FRRS1L: variants seen among roughly 807,000 people sequenced by gnomAD.
FRRS1L encodes ferric chelate reductase 1 like.
Under a neutral mutation model 28.6 loss-of-function variants are expected in FRRS1L, and 22 were observed. The ratio of observed to expected loss-of-function variants is 0.77; its 90% CI spans 0.55 to 1.10. The LOEUF is 1.10. Ranked by LOEUF, FRRS1L falls within the 50% of genes least tolerant of loss-of-function variation. FRRS1L has a pLI of 0.00. For missense variants in FRRS1L, 380 were observed against 386.9 expected, an observed-to-expected ratio of 0.98 and a Z score of 0.15; for synonymous variants, 158 against 151.4, an observed-to-expected ratio of 1.04 and a Z score of -0.32.
chr9:109,162,224 G>A (rs1831488522), intron 1 of FRRS1L, among the ~76,000 whole-genome samples: 1 of 152,242 alleles, frequency 6.6e-6, no homozygotes, highest in Non-Finnish European at 1.5e-5. Flanking sequence ...GCTGAGGCAT[G>A]AGCATCATTT....
In FRRS1L at chr9:109,135,678, T is replaced by A. The variant is rs925292758; in HGVS notation, c.*1777A>T. 1.3e-5 allele frequency: 2 copies of A among 151,830 alleles called. No homozygotes were observed. The highest frequency in any genetic ancestry group is 2.9e-5 in the Non-Finnish European group (2 of 68,010). The allele number at this position is 151,830 out of a possible 1,614,324, so 9.4% of individuals were successfully genotyped here. A position where few individuals can be genotyped will look rare whatever the true frequency, so the allele number is the denominator to read the frequency against. ...GTTGGCCAGACTGGTCTCGAACTCC[T>A]GACCTCAGGTGATCCGCCTGCCTTG... On this transcript the variant is annotated 3_prime_UTR_variant, in exon 5 of 5. Coordinates refer to ENST00000561981, the MANE Select transcript of FRRS1L (RefSeq NM_014334.4).
chr9:109,141,095 C>T (rs1588096864), intron 4 of FRRS1L: 2 of 550,962 alleles, frequency 3.6e-6, no homozygotes, highest in Admixed American at 3.1e-5. Flanking sequence ...AAGCACATCA[C>T]TCATGACATA....
chr9:109,155,365 T>C (rs958049882), intron 1 of FRRS1L, among the ~76,000 whole-genome samples: 1 of 152,222 alleles, frequency 6.6e-6, no homozygotes, highest in Non-Finnish European at 1.5e-5. Flanking sequence ...AATGAAGTAC[T>C]GATACATGTT....
At chr9:109,139,775 T>C (rs910790805) in intron 4 of FRRS1L, 16 of 152,246 alleles carry the variant, frequency 1.1e-4, no homozygotes, top group African/African-American at 3.6e-4. Context: ...GACAGTCAAG[T>C]GTCTTCCCAA....
At chr9:109,159,584 G>A (rs1258852101) in intron 1 of FRRS1L, among the ~76,000 whole-genome samples, 3 of 152,222 alleles carry the variant, frequency 2.0e-5, no homozygotes, top group Non-Finnish European at 2.9e-5. Context: ...AGAATCGCTT[G>A]AACCTGGGAA....
chr9:109,161,951 T>C (rs1042277011), intron 1 of FRRS1L, among the ~76,000 whole-genome samples: 2 of 152,178 alleles, frequency 1.3e-5, no homozygotes, highest in South Asian at 4.1e-4. Context: ...CTCCACTGCT[T>C]AGGAAACTGT....
At chr9:109,158,630 A>G (rs954222640) in intron 1 of FRRS1L, among the ~76,000 whole-genome samples, 1 of 152,094 alleles carries the variant, frequency 6.6e-6, no homozygotes, top group Non-Finnish European at 1.5e-5. Flanking sequence ...TTAGCATAAT[A>G]TTTTCAAGGT....
chr9:109,156,262 A>C (rs1399548185), intron 1 of FRRS1L, among the ~76,000 whole-genome samples: 1 of 152,178 alleles, frequency 6.6e-6, no homozygotes, highest in Non-Finnish European at 1.5e-5. Context: ...ATCTTATGAG[A>C]GTTTTCAAAA....
intron 3 of FRRS1L, among the ~76,000 whole-genome samples, chr9:109,144,168 G>A (rs1831223927): frequency 6.6e-6 from 1 of 152,074 alleles, no homozygotes; most frequent in Admixed American, 6.5e-5. Context: ...GAGATAAGTA[G>A]ACTAATATCT....
rs898874445 is a variant in FRRS1L at position 109,131,614 on chromosome 9, A to C, written c.*5841T>G. 2 of 152,272 alleles carry C rather than the reference A, an allele frequency of 1.3e-5. No individual in the cohort carries two copies. The highest frequency in any genetic ancestry group is 4.8e-5 in the African/African-American group (2 of 41,482). 9.4% of individuals were successfully genotyped at this position (152,272 alleles called of 1,614,324 possible). A position where few individuals can be genotyped will look rare whatever the true frequency, so the allele number is the denominator to read the frequency against. On this transcript the variant is annotated 3_prime_UTR_variant, in exon 5 of 5. Transcript: ENST00000561981. ...TGTAAGTTGAAAATATCATAAGTCA[A>C]AACAATTATGGGACATAACCCCATT...
In FRRS1L at chr9:109,132,558, T is replaced by TA. The variant is rs1831069899; in HGVS notation, c.*4896dup. The TA allele has an allele frequency of 6.6e-6, 1 of 152,208 alleles. No individual in the cohort carries two copies. The highest frequency in any genetic ancestry group is 1.5e-5 in the Non-Finnish European group (1 of 68,040). The allele number at this position is 152,208 out of a possible 1,614,324, so 9.4% of individuals were successfully genotyped here. A position where few individuals can be genotyped will look rare whatever the true frequency, so the allele number is the denominator to read the frequency against. ...AATTATTCACTAACTTTGATATTCT[T>TA]ACAACTAACCAGTAATAATATGTTA... On this transcript the variant is annotated 3_prime_UTR_variant, in exon 5 of 5. Coordinates refer to ENST00000561981, the MANE Select transcript of FRRS1L (RefSeq NM_014334.4).
At chr9:109,153,817 C>T (rs1301479412) in intron 1 of FRRS1L, among the ~76,000 whole-genome samples, 2 of 152,064 alleles carry the variant, frequency 1.3e-5, no homozygotes, top group African/African-American at 4.8e-5. Flanking sequence ...AGATTTTTTT[C>T]CTGAAATTAA....
At chr9:109,149,561 C>A in intron 2 of FRRS1L, 75 bp downstream of exon 2, 1 of 972,498 alleles carries the variant, frequency 1.0e-6, no homozygotes, top group Admixed American at 2.0e-5. Flanking sequence ...GAAGGAACTG[C>A]ATGCAATTTA....
chr9:109,149,792 G>C, intron 1 of FRRS1L, 72 bp from the exon 2 acceptor site: 2 of 1,056,494 alleles, frequency 1.9e-6, no homozygotes. Flanking sequence ...TTAAAAATGT[G>C]TTGACTGTTT....
chr9:109,148,781 A>G (rs1489995876), intron 2 of FRRS1L, among the ~76,000 whole-genome samples: 1 of 152,186 alleles, frequency 6.6e-6, no homozygotes, highest in African/African-American at 2.4e-5. Flanking sequence ...GAGTACTAAA[A>G]TTCCCTCCCT....
chr9:109,160,874 G>C (rs7848988), intron 1 of FRRS1L, among the ~76,000 whole-genome samples: 52,939 of 147,092 alleles, frequency 0.36, 10,053 homozygotes, highest in African/African-American at 0.46. Flanking sequence ...CTCACTGCAA[G>C]CTCCGCCTGC....
rs1435914139 is a variant in FRRS1L at position 109,137,098 on chromosome 9, A to G, written c.*357T>C. 6.4e-6 allele frequency: 1 copy of G among 156,194 alleles called. No homozygotes were observed. Among genetic ancestry groups the G allele is most frequent in the African/African-American group, 2.4e-5 (1 of 41,574 alleles). 9.7% of individuals were successfully genotyped at this position (156,194 alleles called of 1,614,324 possible). ...GCCTTTCTATTTGTCATTTCTAGCC[A>G]AAGTTATATGGTATGTGGATCATAA... On this transcript the variant is annotated 3_prime_UTR_variant, in exon 5 of 5. Transcript: ENST00000561981.
intron 1 of FRRS1L, among the ~76,000 whole-genome samples, chr9:109,155,203 T>C (rs1831389120): frequency 6.6e-6 from 1 of 152,218 alleles, no homozygotes; most frequent in Admixed American, 6.5e-5. Context: ...TTCACCTCTA[T>C]GTTTATTTTT....
intron 1 of FRRS1L, among the ~76,000 whole-genome samples, chr9:109,166,388 A>G (rs1831549438): frequency 6.6e-6 from 1 of 152,218 alleles, no homozygotes; most frequent in African/African-American, 2.4e-5. Context: ...CTGACGGGTC[A>G]GTGAGCAGGA....
Sources: allele counts gnomAD v4.1 joint callset (sites outside exome capture counted in the v4.1 genomes callset), GRCh38; gene constraint gnomAD v4.1.1; transcripts MANE v1.5; gene names NCBI Gene and HGNC (gene_info 2026-07-23, HGNC 2026-07-21).